Variants in DCLRE1C observed in about 807,000 individuals in gnomAD.
DCLRE1C encodes the protein protein artemis.
Under a neutral mutation model 61.4 loss-of-function variants are expected in DCLRE1C, and 47 were observed. The observed-to-expected ratio is 0.77, with a 90% CI of 0.61 to 0.98. The LOEUF is 0.98. DCLRE1C is among the 50% of genes least tolerant of loss of function. The probability of loss-of-function intolerance (pLI) is 0.00; values close to 1 mark genes in which losing one functional copy is unlikely to be tolerated. For missense variants in DCLRE1C, 858 were observed against 816.0 expected (o/e 1.05, Z -0.63); for synonymous variants, 337 against 287.6 (o/e 1.17, Z -1.74).
At chr10:14,949,375 A>C (rs1842130664) in intron 1 of DCLRE1C, among the ~76,000 whole-genome samples, 1 of 152,188 alleles carries the variant, frequency 6.6e-6, no homozygotes, top group African/African-American at 2.4e-5. Flanking sequence ...GAAGAATGAG[A>C]ACTGCTTCTA....
At chr10:14,923,849 G>A (rs988343907) in intron 11 of DCLRE1C, among the ~76,000 whole-genome samples, 5 of 152,226 alleles carry the variant, frequency 3.3e-5, no homozygotes, top group African/African-American at 1.2e-4. Flanking sequence ...ACACAATGCA[G>A]TCAAGCACTG....
At chr10:14,932,278 T>A (rs982998004) in intron 9 of DCLRE1C, among the ~76,000 whole-genome samples, 2 of 152,130 alleles carry the variant, frequency 1.3e-5, no homozygotes, top group African/African-American at 4.8e-5. Context: ...AGCTATAATA[T>A]ATTACTGATT....
chr10:14,903,310 T>C (rs1834144505), downstream of DCLRE1C: 1 of 152,272 alleles, frequency 6.6e-6, no homozygotes, highest in Non-Finnish European at 1.5e-5. Context: ...TGGAGCACTT[T>C]AAGGGCGCCT....
At chr10:14,926,930 T>A in intron 10 of DCLRE1C, 33 bp from the exon 11 acceptor site, 1 of 1,593,716 alleles carries the variant, frequency 6.3e-7, no homozygotes. Context: ...AATAAAAAGA[T>A]CACTGAGCAA....
chr10:14,938,683 T>C (rs1243969116), intron 4 of DCLRE1C, among the ~76,000 whole-genome samples: 1 of 151,996 alleles, frequency 6.6e-6, no homozygotes, highest in Non-Finnish European at 1.5e-5. Context: ...GAAAAATAAT[T>C]TTTTTCCACT....
chr10:14,921,269 G>A (rs41299688), intron 12 of DCLRE1C, among the ~76,000 whole-genome samples: 87 of 151,828 alleles, frequency 5.7e-4, no homozygotes, highest in African/African-American at 1.7e-3. Context: ...GTAGTGAGCC[G>A]AGATCGCGCC....
At chr10:14,899,734 T>G (rs147233152), downstream of DCLRE1C, 2,596 of 1,590,216 alleles carry the variant, frequency 1.6e-3, 23 homozygotes, top group Non-Finnish European at 9.4e-4. Context: ...TTCAACCTAG[T>G]ACTAGTTTCC....
intron 2 of DCLRE1C, chr10:14,947,428 A>G (rs1331058305): frequency 1.3e-5 from 2 of 152,116 alleles, no homozygotes; most frequent in African/African-American, 2.4e-5. Context: ...ACAGAAACTG[A>G]GCAATAAGAC....
In DCLRE1C at chr10:14,944,233, G is replaced by A. The variant is rs1841320749; in HGVS notation, c.246+872C>T. On this transcript the variant is annotated intron_variant, in intron 3 of 13. Transcript: ENST00000378278. The stretch of plus-strand genomic sequence containing the variant: ...CACCTGTAATTCCAACACTTTGGGA[G>A]TGGATCCACTTGGAACCAAGTGGGT... Among the ~76,000 whole-genome samples, 3 of 152,222 alleles carry A rather than the reference G, an allele frequency of 2.0e-5. No homozygotes were observed. The South Asian group carries it at 6.2e-4, about 32-fold the overall frequency.
Position 14,908,164 on chromosome 10 carries a change from G to GTTTTTTT in DCLRE1C, c.*243_*244insAAAAAAA, listed in dbSNP as rs1564360471. On this transcript the variant is annotated 3_prime_UTR_variant, in exon 14 of 14. Coordinates refer to ENST00000378278, the MANE Select transcript of DCLRE1C (RefSeq NM_001033855.3). Reference sequence around the variant, plus strand: ...CCAGAGTAGCCCACCACCATGCCTGGCTTTTTTTTTTTTTTTTTTTTTTGT... The same window carrying GTTTTTTT: ...CCAGAGTAGCCCACCACCATGCCTGGTTTTTTTCTTTTTTTTTTTTTTTTTTTTTTGT... 8 of 322,798 alleles carry GTTTTTTT rather than the reference G, an allele frequency of 2.5e-5. No homozygotes were observed. Among genetic ancestry groups the GTTTTTTT allele is most frequent in the African/African-American group, 1.7e-4 (3 of 17,328 alleles). The allele number at this position is 322,798 out of a possible 1,614,324, so 20.0% of individuals were successfully genotyped here.
downstream of DCLRE1C, among the ~76,000 whole-genome samples, chr10:14,900,254 T>C (rs1833906258): frequency 6.6e-6 from 1 of 152,210 alleles, no homozygotes; most frequent in Non-Finnish European, 1.5e-5. Context: ...GGACTCTAAA[T>C]AATTTCCAAA....
chr10:14,923,226 A>C (rs780199584), intron 11 of DCLRE1C, 157 bp from the exon 12 acceptor site: 19 of 643,136 alleles, frequency 3.0e-5, no homozygotes, highest in African/African-American at 5.4e-5. Context: ...CTCTTGGGAA[A>C]AAAATATCCA....
intron 2 of DCLRE1C, chr10:14,947,414 AT>A (rs1841862013): frequency 6.6e-6 from 1 of 152,126 alleles, no homozygotes; most frequent in Non-Finnish European, 1.5e-5. Context: ...TCAATCCCTG[AT>A]CCACAGAAAC....
rs1470214437 is a variant in DCLRE1C, at chr10:14,936,578, C to G, written c.322G>C (p.Val108Leu). The change falls in exon 5 of 14, where the codon GTG becomes CTG. Residue 108 changes from valine to leucine, a missense_variant. Around this residue, in one of 2 missense-constraint regions of DCLRE1C, gnomAD observed 843 missense variants for 783.5 expected, o/e 1.08. Transcript: ENST00000378278. Reference protein sequence around the residue: ...EASGEKEEIVVTLLPAGHCPG... With the variant: ...EASGEKEEIVLTLLPAGHCPG... Reference sequence around the variant, plus strand: ...CAGTGACCAGCTGGTAAGAGAGTCACAACAATCTCTTCCTTCTAAAAAGAA... The same window carrying G: ...CAGTGACCAGCTGGTAAGAGAGTCAGAACAATCTCTTCCTTCTAAAAAGAA... The G allele has an allele frequency of 1.2e-6, 2 of 1,612,628 alleles. No homozygotes were observed. The highest frequency in any genetic ancestry group is 1.7e-6 in the Non-Finnish European group (2 of 1,178,848).
intron 2 of DCLRE1C, among the ~76,000 whole-genome samples, chr10:14,946,603 C>T (rs563753180): frequency 2.6e-5 from 4 of 152,020 alleles, no homozygotes; most frequent in Non-Finnish European, 4.4e-5. Flanking sequence ...TTAGGACATA[C>T]GCTTTTTAAC....
chr10:14,950,116 G>A (rs914827806), intron 1 of DCLRE1C, among the ~76,000 whole-genome samples: 17 of 152,040 alleles, frequency 1.1e-4, no homozygotes, highest in African/African-American at 3.1e-4. Context: ...CGAGGCAGGC[G>A]GATCACCTGA....
At chr10:14,933,518 T>A (rs1839370943) in intron 8 of DCLRE1C, among the ~76,000 whole-genome samples, 1 of 151,962 alleles carries the variant, frequency 6.6e-6, no homozygotes, top group South Asian at 2.1e-4. Context: ...AGGCCTGTAA[T>A]CCAAGCTACT....
At chr10:14,917,840 A>C (rs1439365652) in intron 13 of DCLRE1C, among the ~76,000 whole-genome samples, 1 of 152,180 alleles carries the variant, frequency 6.6e-6, no homozygotes, top group African/African-American at 2.4e-5. Context: ...CAACAATTTA[A>C]AAATGAGTAA....
intron 3 of DCLRE1C, among the ~76,000 whole-genome samples, chr10:14,944,748 C>CATTG (rs1357000399): frequency 6.9e-6 from 1 of 144,650 alleles, no homozygotes; most frequent in Non-Finnish European, 1.5e-5. Context: ...GATCTCAGCT[C>CATTG]ATTGCAACCA....
Sources: allele counts gnomAD v4.1 joint callset (sites outside exome capture counted in the v4.1 genomes callset), GRCh38; gene constraint gnomAD v4.1.1; regional missense constraint gnomAD v4.1.1; transcripts MANE v1.5; gene names NCBI Gene and HGNC (gene_info 2026-07-23, HGNC 2026-07-21).